The following SUSD6 variants were observed in gnomAD, a reference collection of about 807,000 sequenced individuals.
The protein encoded by SUSD6 is sushi domain containing 6, also known as sushi domain-containing protein 6.
In SUSD6, 16 loss-of-function variants were observed where a neutral mutation model predicts 28.4. The ratio of observed to expected loss-of-function variants is 0.56; its 90% CI spans 0.38 to 0.86. SUSD6 has a LOEUF of 0.86. Ranked by LOEUF, SUSD6 falls within the 40% of genes least tolerant of loss-of-function variation. The probability of loss-of-function intolerance (pLI) is 0.00; values close to 1 mark genes in which losing one functional copy is unlikely to be tolerated. For missense variants in SUSD6, 341 were observed against 384.2 expected, an observed-to-expected ratio of 0.89 and a Z score of 0.94; for synonymous variants, 147 against 159.6, an observed-to-expected ratio of 0.92 and a Z score of 0.59.
intron 2 of SUSD6, among the ~76,000 whole-genome samples, chr14:69,701,278 T>G (rs1029903692): frequency 6.6e-6 from 1 of 151,960 alleles, no homozygotes; most frequent in African/African-American, 2.4e-5. Context: ...TCTGTGGAGA[T>G]GTGGGTTTTA....
intron 2 of SUSD6, among the ~76,000 whole-genome samples, chr14:69,664,513 T>TA (rs1041898007): frequency 3.3e-5 from 5 of 152,056 alleles, no homozygotes; most frequent in East Asian, 1.9e-4. Flanking sequence ...CCTGTGACTA[T>TA]AAAAAAAACT....
chr14:69,653,359 C>T (rs1885530902), intron 1 of SUSD6, among the ~76,000 whole-genome samples: 1 of 152,162 alleles, frequency 6.6e-6, no homozygotes, highest in Non-Finnish European at 1.5e-5. Context: ...GGAAAGCCGG[C>T]TATTGGGGTA....
intron 2 of SUSD6, among the ~76,000 whole-genome samples, chr14:69,687,311 G>A (rs532493039): frequency 9.9e-5 from 15 of 151,798 alleles, no homozygotes; most frequent in African/African-American, 3.1e-4. Context: ...GGGTTTCGCC[G>A]TGTTGGCCAG....
chr14:69,654,812 T>TGTGTGTGTGTGTGTGTGTGA (rs1491098522), intron 1 of SUSD6, among the ~76,000 whole-genome samples: 2 of 112,098 alleles, frequency 1.8e-5, no homozygotes, highest in African/African-American at 6.5e-5. Context: ...TGTGTGTGTG[T>TGTGTGTGTGTGTGTGTGTGA]GAAACAGAGT....
At chr14:69,667,686 G>A (rs1359347069) in intron 2 of SUSD6, among the ~76,000 whole-genome samples, 1 of 151,940 alleles carries the variant, frequency 6.6e-6, no homozygotes, top group Non-Finnish European at 1.5e-5. Context: ...CCTGGCGGTT[G>A]CTCAGTTTCT....
rs1886360286 is a variant in SUSD6 at position 69,704,606 on chromosome 14, A to G, written c.322A>G (p.Lys108Glu). 6.2e-7 allele frequency: 1 copy of G among 1,611,230 alleles called. No homozygotes were observed. The highest frequency in any genetic ancestry group is 8.5e-7 in the Non-Finnish European group (1 of 1,179,060). The change falls in exon 4 of 6, where the codon AAA becomes GAA. Residue 108 changes from lysine (K) to glutamate (E), a missense_variant and splice_region_variant. Coordinates refer to ENST00000342745, the MANE Select transcript of SUSD6 (RefSeq NM_014734.4). ...CTGATGATGGCTTGTTTTTATAGAT[A>G]AAGACACCCACACATCACTTGGGGT... ...MEISCRLNED[K>E]DTHTSLGVPT...
chr14:69,705,036 C>G (rs1227912952), intron 4 of SUSD6, among the ~76,000 whole-genome samples: 1 of 152,182 alleles, frequency 6.6e-6, no homozygotes, highest in Non-Finnish European at 1.5e-5. Flanking sequence ...AGAACTGAGG[C>G]TGCGCGCGGT....
rs1886458574 is a variant in SUSD6 at position 69,711,234 on chromosome 14, T to C, written c.*255T>C. 1.8e-6 allele frequency: 1 copy of C among 559,118 alleles called. No homozygotes were observed. Among genetic ancestry groups the C allele is most frequent in the Non-Finnish European group, 3.2e-6 (1 of 312,650 alleles). 34.6% of individuals were successfully genotyped at this position (559,118 alleles called of 1,614,324 possible). A position where few individuals can be genotyped will look rare whatever the true frequency, so the allele number is the denominator to read the frequency against. On this transcript the variant is annotated 3_prime_UTR_variant, in exon 6 of 6. Coordinates refer to ENST00000342745, the MANE Select transcript of SUSD6 (RefSeq NM_014734.4). ...CGCCTTCCCATCTGTCAGAGACATA[T>C]TTGAATGTGCTGGATCAAACCCTCC... is the stretch of plus-strand genomic sequence containing the variant.
intron 2 of SUSD6, among the ~76,000 whole-genome samples, chr14:69,699,368 T>C (rs1886279263): frequency 6.6e-6 from 1 of 152,150 alleles, no homozygotes; most frequent in Non-Finnish European, 1.5e-5. Flanking sequence ...CACACCTGGC[T>C]AATTTTTGTA....
At chr14:69,624,754 C>T (rs377635723) in intron 1 of SUSD6, among the ~76,000 whole-genome samples, 43 of 152,194 alleles carry the variant, frequency 2.8e-4, no homozygotes, top group African/African-American at 7.7e-4. Flanking sequence ...CGTGCCTGGC[C>T]GATACTTAGT....
At chr14:69,625,674 A>G (rs901934696) in intron 1 of SUSD6, among the ~76,000 whole-genome samples, 2 of 152,196 alleles carry the variant, frequency 1.3e-5, no homozygotes, top group Admixed American at 6.5e-5. Flanking sequence ...TCCACCTTCC[A>G]GGGCAGATGG....
intron 1 of SUSD6, among the ~76,000 whole-genome samples, chr14:69,624,331 T>C (rs944761967): frequency 1.3e-5 from 2 of 152,220 alleles, no homozygotes; most frequent in Admixed American, 1.3e-4. Context: ...CACAACAACA[T>C]TGCCTAATGA....
At chr14:69,674,090 T>C (rs1019921219) in intron 2 of SUSD6, among the ~76,000 whole-genome samples, 2 of 152,152 alleles carry the variant, frequency 1.3e-5, no homozygotes, top group Non-Finnish European at 2.9e-5. Flanking sequence ...AGAGAATAAC[T>C]TTTCTTTTTG....
intron 1 of SUSD6, among the ~76,000 whole-genome samples, chr14:69,639,529 T>C (rs1595037419): frequency 6.6e-6 from 1 of 152,004 alleles, no homozygotes; most frequent in African/African-American, 2.4e-5. Context: ...TCTGAGGGAG[T>C]GTAAACCTGA....
At chr14:69,653,619 T>C (rs1885535382) in intron 1 of SUSD6, among the ~76,000 whole-genome samples, 2 of 152,168 alleles carry the variant, frequency 1.3e-5, no homozygotes, top group South Asian at 2.1e-4. Flanking sequence ...TCTTCAGTGA[T>C]AATTTTTTTT....
intron 2 of SUSD6, among the ~76,000 whole-genome samples, chr14:69,699,818 GCA>G (rs1886288345): frequency 1.3e-5 from 2 of 151,974 alleles, no homozygotes; most frequent in Non-Finnish European, 2.9e-5. Context: ...AGAGCTCTCT[GCA>G]CAGAGAGGGG....
At chr14:69,670,394 A>G in intron 2 of SUSD6, 1 of 449,164 alleles carries the variant, frequency 2.2e-6, no homozygotes. Flanking sequence ...TACATGCTAT[A>G]ATCAGGAAAG....
At chr14:69,698,355 T>C (rs981237512) in intron 2 of SUSD6, among the ~76,000 whole-genome samples, 1 of 152,042 alleles carries the variant, frequency 6.6e-6, no homozygotes, top group African/African-American at 2.4e-5. Context: ...AAAAATGCAC[T>C]ATAGATAATT....
intron 1 of SUSD6, among the ~76,000 whole-genome samples, chr14:69,616,491 A>G (rs2139588141): frequency 6.6e-6 from 1 of 152,360 alleles, no homozygotes; most frequent in East Asian, 1.9e-4. Context: ...CTGTTTATCC[A>G]ATTCTTCCTT....
Sources: gnomAD v4.1 joint callset for allele counts (sites outside exome capture counted in the v4.1 genomes callset) on GRCh38, gnomAD v4.1.1 for gene constraint, MANE v1.5 for transcripts, NCBI Gene and HGNC (gene_info 2026-07-23, HGNC 2026-07-21) for gene names.